Variants in CCND3 observed in about 807,000 individuals in gnomAD.
CCND3 encodes G1/S-specific cyclin-D3.
Under a neutral mutation model 28.7 loss-of-function variants are expected in CCND3, and 9 were observed. The observed-to-expected ratio is 0.31, with a 90% CI of 0.19 to 0.55. The LOEUF (loss-of-function observed/expected upper bound fraction) is 0.55. CCND3 is among the 20% of genes least tolerant of loss of function. The probability of loss-of-function intolerance (pLI) is 0.93; values close to 1 mark genes in which losing one functional copy is unlikely to be tolerated. For synonymous variants in CCND3, 164 were observed against 163.9 expected, an observed-to-expected ratio of 1.00 and a Z score of 0.00; for missense variants, 315 against 385.8, an observed-to-expected ratio of 0.82 and a Z score of 1.54.
chr6:42,042,304 C>T (rs1764390314), intron 1 of CCND3, among the ~76,000 whole-genome samples: 1 of 151,898 alleles, frequency 6.6e-6, no homozygotes, highest in South Asian at 2.1e-4. Context: ...CTGCCCACCA[C>T]TCAGCAGGGC....
chr6:41,981,734 G>A (rs1762354605), intron 1 of CCND3, among the ~76,000 whole-genome samples: 1 of 151,708 alleles, frequency 6.6e-6, no homozygotes, highest in African/African-American at 2.4e-5. Flanking sequence ...ATGTTGCCCA[G>A]GCTGGTCTCA....
At chr6:41,992,107 C>T (rs951279241) in intron 1 of CCND3, among the ~76,000 whole-genome samples, 4 of 152,086 alleles carry the variant, frequency 2.6e-5, no homozygotes, top group Non-Finnish European at 4.4e-5. Context: ...TGGATAAATG[C>T]CCAGTAGTGG....
At chr6:42,016,193 C>A (rs538688408) in intron 1 of CCND3, among the ~76,000 whole-genome samples, 1 of 152,234 alleles carries the variant, frequency 6.6e-6, no homozygotes, top group Admixed American at 6.5e-5. Flanking sequence ...CCTCGGCCTC[C>A]CAAAGTGCCA....
At chr6:41,954,969 T>C (rs1186998053) in intron 1 of CCND3, among the ~76,000 whole-genome samples, 1 of 152,142 alleles carries the variant, frequency 6.6e-6, no homozygotes, top group Non-Finnish European at 1.5e-5. Flanking sequence ...AATTAACCAA[T>C]CCTGAACCAC....
At chr6:42,036,297 AATT>A (rs1006669155) in intron 1 of CCND3, among the ~76,000 whole-genome samples, 5 of 125,146 alleles carry the variant, frequency 4.0e-5, no homozygotes, top group Non-Finnish European at 8.5e-5. Context: ...CTGGCCTAAA[AATT>A]ATTATTTATA....
intron 1 of CCND3, among the ~76,000 whole-genome samples, chr6:42,025,292 G>C (rs1368177247): frequency 2.6e-5 from 4 of 152,206 alleles, no homozygotes; most frequent in African/African-American, 9.6e-5. Flanking sequence ...CCAAGCCCCA[G>C]GGAGAAGTCT....
intron 1 of CCND3, among the ~76,000 whole-genome samples, chr6:42,025,103 G>A (rs1232092095): frequency 6.6e-6 from 1 of 152,164 alleles, no homozygotes; most frequent in Admixed American, 6.6e-5. Context: ...AATCCAGGGA[G>A]GAAAGCAGGG....
chr6:41,976,638 C>T (rs1762195248), intron 1 of CCND3, among the ~76,000 whole-genome samples: 1 of 152,232 alleles, frequency 6.6e-6, no homozygotes, highest in South Asian at 2.1e-4. Flanking sequence ...GGAAGACCCC[C>T]ATCACTAAAA....
At chr6:41,986,136 T>C (rs1380086444) in intron 1 of CCND3, among the ~76,000 whole-genome samples, 1 of 152,104 alleles carries the variant, frequency 6.6e-6, no homozygotes, top group African/African-American at 2.4e-5. Context: ...CGTTGGTCTA[T>C]ATGTCTATTG....
At chr6:41,960,942 A>G (rs1316107074) in intron 1 of CCND3, among the ~76,000 whole-genome samples, 1 of 152,158 alleles carries the variant, frequency 6.6e-6, no homozygotes, top group East Asian at 1.9e-4. Flanking sequence ...CTGGAGAATA[A>G]TGGGGGAGAA....
chr6:42,036,742 A>C (rs1764232357), intron 1 of CCND3, among the ~76,000 whole-genome samples: 1 of 151,634 alleles, frequency 6.6e-6, no homozygotes, highest in Non-Finnish European at 1.5e-5. Context: ...CCTGAGGCCA[A>C]ATTTTCTTCA....
chr6:41,977,594 T>C lies in CCND3; in HGVS notation c.-45-37009A>G, dbSNP rs551350285. On this transcript the variant is annotated intron_variant, in intron 1 of 4. Transcript: ENST00000372988. The stretch of plus-strand genomic sequence containing the variant: ...GTTGGCCAGGCTGGTCTCAAACTAC[T>C]GACCTCAGGTGATCCACCCACCTAG... Among the ~76,000 whole-genome samples the C allele has an allele frequency of 8.3e-4, 127 of 152,152 alleles. 1 individual carries two copies. Among genetic ancestry groups the C allele is most frequent in the African/African-American group, 2.6e-3 (109 of 41,538 alleles).
chr6:41,977,721 TG>T (rs1382617881), intron 1 of CCND3, among the ~76,000 whole-genome samples: 9 of 152,176 alleles, frequency 5.9e-5, no homozygotes, highest in Admixed American at 5.9e-4. Flanking sequence ...GTGCATTATC[TG>T]GTGGACACTA....
At chr6:41,984,371 A>G (rs1240108167) in intron 1 of CCND3, among the ~76,000 whole-genome samples, 1 of 152,120 alleles carries the variant, frequency 6.6e-6, no homozygotes, top group East Asian at 1.9e-4. Context: ...TTTGAGACGC[A>G]GTTTCGCTCT....
chr6:41,959,105 A>G (rs1469887620), intron 1 of CCND3, among the ~76,000 whole-genome samples: 1 of 152,108 alleles, frequency 6.6e-6, no homozygotes, highest in East Asian at 1.9e-4. Context: ...ACCTGAGGTC[A>G]GGAGTTCGAG....
At position 41,935,726 on chromosome 6, in the gene CCND3, A is replaced by T; in HGVS notation, c.*214T>A. ...AAGGCGCTGCTGGTCAGATGCAGGG[A>T]GGAGGAGCTTGACTAGCCACCGAAA... is the stretch of plus-strand genomic sequence containing the variant. On this transcript the variant is annotated 3_prime_UTR_variant, in exon 5 of 5. Coordinates refer to ENST00000372991, the MANE Select transcript of CCND3 (RefSeq NM_001760.5). 1 of 565,388 alleles carries T rather than the reference A, an allele frequency of 1.8e-6. No individual in the cohort carries two copies. The highest frequency in any genetic ancestry group is 3.2e-6 in the Non-Finnish European group (1 of 314,500). The allele number at this position is 565,388 out of a possible 1,614,324, so 35.0% of individuals were successfully genotyped here.
At chr6:42,005,540 CAAAAAAAAAAAAAAAAA>C (rs58659355) in intron 1 of CCND3, among the ~76,000 whole-genome samples, 1 of 62,840 alleles carries the variant, frequency 1.6e-5, no homozygotes, top group East Asian at 5.4e-4. Flanking sequence ...GACCCTGTCT[CAAAAAAAAAAAAAAAAA>C]AAAAAAAAAG....
intron 1 of CCND3, among the ~76,000 whole-genome samples, chr6:42,027,545 T>C (rs1282588642): frequency 6.6e-6 from 1 of 152,074 alleles, no homozygotes; most frequent in African/African-American, 2.4e-5. Flanking sequence ...TCCCTCGAAC[T>C]GACCATTTCT....
At chr6:41,965,004 T>G (rs572592382) in intron 1 of CCND3, among the ~76,000 whole-genome samples, 8 of 151,126 alleles carry the variant, frequency 5.3e-5, no homozygotes, top group African/African-American at 1.9e-4. Context: ...TTTCCTCTGA[T>G]AGGAATCCAA....
Sources: allele counts gnomAD v4.1 joint callset (sites outside exome capture counted in the v4.1 genomes callset), GRCh38; gene constraint gnomAD v4.1.1; transcripts MANE v1.5; gene names NCBI Gene and HGNC (gene_info 2026-07-23, HGNC 2026-07-21).